MCC: variants seen among roughly 807,000 people sequenced by gnomAD.
The protein encoded by MCC is colorectal mutant cancer protein.
In MCC, 90 loss-of-function variants were observed where a neutral mutation model predicts 116.2. The ratio of observed to expected loss-of-function variants is 0.77; its 90% confidence interval spans 0.65 to 0.92. The LOEUF (loss-of-function observed/expected upper bound fraction) is 0.92, where lower values mean the gene tolerates loss of function less well. MCC is among the 40% of genes least tolerant of loss of function. MCC has a pLI of 0.00. For missense variants in MCC, 1,516 were observed against 1,312.2 expected (o/e 1.16, Z -2.40); for synonymous variants, 578 against 510.5 (o/e 1.13, Z -1.78).
At chr5:113,098,965 C>T (rs76095206) in intron 8 of MCC, among the ~76,000 whole-genome samples, 34 of 152,246 alleles carry the variant, frequency 2.2e-4, no homozygotes, top group African/African-American at 7.2e-4. Context: ...AGCTACACAT[C>T]GTCAAGAACA....
intron 14 of MCC, among the ~76,000 whole-genome samples, chr5:113,063,041 C>T (rs1335196146): frequency 6.6e-6 from 1 of 152,182 alleles, no homozygotes; most frequent in African/African-American, 2.4e-5. Flanking sequence ...TGCTAAGATC[C>T]CGGGTTCCCA....
intron 6 of MCC, among the ~76,000 whole-genome samples, chr5:113,105,957 C>A (rs890470557): frequency 6.6e-6 from 1 of 152,186 alleles, no homozygotes. Flanking sequence ...TTATAAACTA[C>A]GGATGCCCAG....
intron 3 of MCC, among the ~76,000 whole-genome samples, chr5:113,220,305 C>A (rs926973278): frequency 1.3e-5 from 2 of 151,750 alleles, no homozygotes; most frequent in African/African-American, 4.8e-5. Flanking sequence ...ATGATCCACC[C>A]ACCTCGGCCT....
At chr5:113,311,173 A>G (rs1343691445) in intron 3 of MCC, among the ~76,000 whole-genome samples, 1 of 152,216 alleles carries the variant, frequency 6.6e-6, no homozygotes, top group Non-Finnish European at 1.5e-5. Context: ...AGTTAAACTT[A>G]GAGTCAGTTT....
intron 3 of MCC, among the ~76,000 whole-genome samples, chr5:113,236,110 C>T (rs994327978): frequency 2.6e-5 from 4 of 152,096 alleles, no homozygotes; most frequent in Non-Finnish European, 4.4e-5. Context: ...GCTGCAAGAT[C>T]CTCTTTTAAA....
intron 3 of MCC, among the ~76,000 whole-genome samples, chr5:113,300,873 C>A (rs1211584714): frequency 6.6e-6 from 1 of 152,166 alleles, no homozygotes; most frequent in African/African-American, 2.4e-5. Context: ...ACATGAAGAA[C>A]TCAGGAAGCA....
At chr5:113,471,105 C>A (rs898038307) in intron 1 of MCC, among the ~76,000 whole-genome samples, 2 of 148,062 alleles carry the variant, frequency 1.4e-5, no homozygotes, top group Non-Finnish European at 3.0e-5. Flanking sequence ...AAGCTTTTAA[C>A]TTCTTTGCCA....
intron 3 of MCC, among the ~76,000 whole-genome samples, chr5:113,266,100 T>G (rs1765406720): frequency 6.6e-6 from 1 of 152,158 alleles, no homozygotes; most frequent in South Asian, 2.1e-4. Flanking sequence ...ATCCTAGGTC[T>G]TATGCCAAAT....
chr5:113,067,103 T>C (rs890278127), intron 13 of MCC, among the ~76,000 whole-genome samples: 2 of 152,310 alleles, frequency 1.3e-5, no homozygotes, highest in African/African-American at 4.8e-5. Context: ...CTTCCTAGAA[T>C]GACATGCTTG....
At chr5:113,456,005 T>C (rs1771534937) in intron 1 of MCC, among the ~76,000 whole-genome samples, 1 of 152,224 alleles carries the variant, frequency 6.6e-6, no homozygotes, top group South Asian at 2.1e-4. Flanking sequence ...AGAACTCTAC[T>C]CTTTTAAAAA....
rs1561385047 is a variant in MCC, at chr5:113,132,433, T to TATATATACACACATAC, written c.885-9608_885-9607insGTATGTGTGTATATAT. Among the ~76,000 whole-genome samples, 31 of 71,928 alleles carry TATATATACACACATAC rather than the reference T, an allele frequency of 4.3e-4. 2 individuals carry two copies. Among genetic ancestry groups the TATATATACACACATAC allele is most frequent in the African/African-American group, 1.4e-3 (29 of 20,714 alleles). 47.2% of individuals were successfully genotyped at this position (71,928 alleles called of 152,430 possible). The stretch of plus-strand genomic sequence containing the variant: ...ATATATATATACACACATACATATA[T>TATATATACACACATAC]ATATATATATACACACACACACACA... On this transcript the variant is annotated intron_variant, in intron 5 of 18. Transcript: ENST00000408903.
At chr5:113,087,567 G>A (rs577089344) in intron 8 of MCC, among the ~76,000 whole-genome samples, 39 of 152,256 alleles carry the variant, frequency 2.6e-4, no homozygotes, top group South Asian at 1.7e-3. Context: ...CATTTCCTCA[G>A]GGACTGGGGG....
At chr5:113,277,505 G>A (rs930505869) in intron 3 of MCC, among the ~76,000 whole-genome samples, 1 of 151,822 alleles carries the variant, frequency 6.6e-6, no homozygotes, top group Non-Finnish European at 1.5e-5. Flanking sequence ...TCTTTATCCT[G>A]CCCTTTCTGT....
intron 13 of MCC, among the ~76,000 whole-genome samples, chr5:113,065,777 C>T (rs1468784049): frequency 6.6e-6 from 1 of 152,234 alleles, no homozygotes; most frequent in Admixed American, 6.5e-5. Flanking sequence ...TGCTGTGCAA[C>T]AGCTCTATGG....
chr5:113,393,643 G>A (rs554010687), intron 1 of MCC, among the ~76,000 whole-genome samples: 4 of 152,174 alleles, frequency 2.6e-5, no homozygotes, highest in Non-Finnish European at 5.9e-5. Flanking sequence ...AGCTGCTCAC[G>A]CTTTGGCTAT....
At chr5:113,071,820 C>T (rs567462064) in intron 11 of MCC, among the ~76,000 whole-genome samples, 60 of 152,260 alleles carry the variant, frequency 3.9e-4, no homozygotes, top group African/African-American at 1.4e-3. Flanking sequence ...ACAGAGAGAA[C>T]CAAAGGAAGA....
chr5:113,406,597 T>C (rs752245145), intron 1 of MCC, among the ~76,000 whole-genome samples: 1 of 152,214 alleles, frequency 6.6e-6, no homozygotes, highest in African/African-American at 2.4e-5. Flanking sequence ...CTAGTGAAAG[T>C]ATAATTAAAC....
chr5:113,129,468 T>G (rs1581121408), intron 5 of MCC, among the ~76,000 whole-genome samples: 1 of 152,206 alleles, frequency 6.6e-6, no homozygotes, highest in East Asian at 1.9e-4. Flanking sequence ...AGAAATTTAT[T>G]TTCTCACAGT....
In MCC at chr5:113,030,688, AAAATC is replaced by A. The variant is rs550138403; in HGVS notation, c.2757-1637_2757-1633del. Among the ~76,000 whole-genome samples, 97 of 152,298 alleles carry A rather than the reference AAAATC, an allele frequency of 6.4e-4. 1 individual carries two copies. The highest frequency in any genetic ancestry group is 1.1e-3 in the Non-Finnish European group (74 of 68,020). On this transcript the variant is annotated intron_variant, in intron 17 of 18. Transcript: ENST00000408903. ...GTGAGACCATCTCAAAACAAACAAA[AAAATC>A]AGATGGCCATGCACTGGCATGGGAG...
Sources: allele counts gnomAD v4.1 joint callset (sites outside exome capture counted in the v4.1 genomes callset), GRCh38; gene constraint gnomAD v4.1.1; transcripts MANE v1.5; gene names NCBI Gene and HGNC (gene_info 2026-07-23, HGNC 2026-07-21).